The following MSH3 variants were observed in gnomAD, a reference collection of about 807,000 sequenced individuals.
MSH3 encodes DNA mismatch repair protein Msh3.
A neutral mutation model predicts 123.3 loss-of-function variants in MSH3; 106 were observed. That is an observed-to-expected ratio of 0.86 (90% CI 0.73 to 1.01). The LOEUF (loss-of-function observed/expected upper bound fraction) is 1.01. Ranked by LOEUF, MSH3 falls within the 50% of genes least tolerant of loss-of-function variation. The pLI is 0.00. For missense variants in MSH3, 1,459 were observed against 1,347.6 expected, an observed-to-expected ratio of 1.08 and a Z score of -1.29; for synonymous variants, 515 against 481.4, an observed-to-expected ratio of 1.07 and a Z score of -0.91.
At chr5:80,746,422 C>A (rs186658441) in intron 12 of MSH3, 6 of 439,860 alleles carry the variant, frequency 1.4e-5, no homozygotes, top group Non-Finnish European at 2.2e-5. Context: ...GGAAGTCTTG[C>A]GAATCTTCTC....
At chr5:80,816,814 G>C (rs1192172543) in intron 20 of MSH3, among the ~76,000 whole-genome samples, 1 of 152,210 alleles carries the variant, frequency 6.6e-6, no homozygotes, top group Admixed American at 6.5e-5. Context: ...ATGACATTGA[G>C]TTTGTGCATC....
intron 13 of MSH3, among the ~76,000 whole-genome samples, chr5:80,763,405 A>G (rs1744075408): frequency 6.6e-6 from 1 of 152,186 alleles, no homozygotes; most frequent in South Asian, 2.1e-4. Flanking sequence ...TTGCATCATT[A>G]TTGGGTACAC....
chr5:80,665,432 C>A (rs1749548871), intron 3 of MSH3, 69 bp downstream of exon 3: 6 of 1,167,452 alleles, frequency 5.1e-6, no homozygotes, highest in Admixed American at 3.9e-5. Flanking sequence ...GTCAGGTTCT[C>A]TGAGGTCATT....
intron 9 of MSH3, among the ~76,000 whole-genome samples, chr5:80,726,055 T>C (rs1308381274): frequency 6.6e-6 from 1 of 152,236 alleles, no homozygotes; most frequent in Non-Finnish European, 1.5e-5. Flanking sequence ...TTTGAAAGGT[T>C]GGTTGCCAAA....
intron 3 of MSH3, among the ~76,000 whole-genome samples, chr5:80,669,891 A>G (rs1166104818): frequency 6.6e-6 from 1 of 152,218 alleles, no homozygotes; most frequent in African/African-American, 2.4e-5. Flanking sequence ...ATGATAGCTT[A>G]CTTGGTTCAT....
chr5:80,834,059 A>G (rs1361875621), intron 20 of MSH3, among the ~76,000 whole-genome samples: 1 of 152,238 alleles, frequency 6.6e-6, no homozygotes, highest in Non-Finnish European at 1.5e-5. Context: ...ATACTTCCCC[A>G]GTAGCCTTGA....
intron 21 of MSH3, among the ~76,000 whole-genome samples, chr5:80,857,502 T>G (rs1745939072): frequency 6.6e-6 from 1 of 152,256 alleles, no homozygotes; most frequent in Non-Finnish European, 1.5e-5. Context: ...AGTTCACCAG[T>G]GAAGCCATCT....
chr5:80,743,253 C>G (rs1743649667), intron 11 of MSH3, among the ~76,000 whole-genome samples: 1 of 152,128 alleles, frequency 6.6e-6, no homozygotes, highest in African/African-American at 2.4e-5. Flanking sequence ...GCTGTGGTCT[C>G]AGGAGCAGTG....
chr5:80,867,388 G>C (rs1249494162), intron 22 of MSH3, among the ~76,000 whole-genome samples: 1 of 152,164 alleles, frequency 6.6e-6, no homozygotes, highest in Non-Finnish European at 1.5e-5. Flanking sequence ...TAGAACAAGG[G>C]AACTTTTTCT....
At chr5:80,764,268 T>C (rs1744087586) in intron 13 of MSH3, among the ~76,000 whole-genome samples, 1 of 152,252 alleles carries the variant, frequency 6.6e-6, no homozygotes, top group Non-Finnish European at 1.5e-5. Flanking sequence ...GCATAGGCTG[T>C]ATGGTTTTGT....
chr5:80,724,308 A>G (rs1477383803), intron 8 of MSH3, among the ~76,000 whole-genome samples: 1 of 152,214 alleles, frequency 6.6e-6, no homozygotes, highest in Non-Finnish European at 1.5e-5. Context: ...GGGACTTTCA[A>G]GAATTATTAA....
intron 8 of MSH3, among the ~76,000 whole-genome samples, chr5:80,692,774 ATATGTTTGATAAATATACATACACATG>A: frequency 3.1e-5 from 3 of 98,220 alleles, no homozygotes; most frequent in Non-Finnish European, 7.4e-5. Flanking sequence ...ATACACATGT[ATATGTTTGATAAATATACATACACATG>A]TATATGTTTA....
chr5:80,658,066 G>A (rs1243985257), intron 2 of MSH3, among the ~76,000 whole-genome samples: 1 of 102,540 alleles, frequency 9.8e-6, no homozygotes, highest in Admixed American at 1.2e-4. Flanking sequence ...AGGGTCTCTC[G>A]CTCTGTCACC....
At position 80,761,671 on chromosome 5, in the gene MSH3, A is replaced by C. The variant is rs777767431; in HGVS notation, c.1889A>C (p.His630Pro). 1 of 1,614,126 alleles carries C rather than the reference A, an allele frequency of 6.2e-7. No homozygotes were observed. Among genetic ancestry groups the C allele is most frequent in the Non-Finnish European group, 8.5e-7 (1 of 1,180,002 alleles). The change falls in exon 13 of 24, where the codon CAC (histidine) becomes CCC (proline). Residue 630 changes from histidine to proline, a missense_variant. Physicochemically the swap from His to Pro is moderately conservative, Grantham distance 77. Transcript: ENST00000265081. ...GAGAGGGGACTCTGTAGCATTTATC[A>C]CAAAAAAGTAAGTGTGATAGAAATC... is the stretch of plus-strand genomic sequence containing the variant. ...DIERGLCSIYHKKCSTQEFFL... is the reference protein window; with the variant it reads ...DIERGLCSIYPKKCSTQEFFL...
intron 10 of MSH3, among the ~76,000 whole-genome samples, chr5:80,730,377 G>A (rs1001328208): frequency 1.3e-5 from 2 of 152,178 alleles, no homozygotes; most frequent in African/African-American, 4.8e-5. Flanking sequence ...ACATGCAGGG[G>A]AGTGATAGAA....
Position 80,665,285 on chromosome 5 carries a change from T to G in MSH3, c.501T>G (p.Thr167=). Reference sequence around the variant, plus strand: ...GATTTGCAGTTCTGCCAAAATGTACTGATTTTGATGATATCAGTCTTCTAC... The same window carrying G: ...GATTTGCAGTTCTGCCAAAATGTACGGATTTTGATGATATCAGTCTTCTAC... ...QERFAVLPKC[T]DFDDISLLHA... The change falls in exon 3 of 24, where the codon ACT becomes ACG. Residue 167 remains threonine, a synonymous_variant. Coordinates refer to ENST00000265081, the MANE Select transcript of MSH3 (RefSeq NM_002439.5). 1 of 1,613,934 alleles carries G rather than the reference T, an allele frequency of 6.2e-7. No individual in the cohort carries two copies.
chr5:80,860,655 T>C (rs541627105), intron 21 of MSH3, among the ~76,000 whole-genome samples: 2 of 152,190 alleles, frequency 1.3e-5, no homozygotes, highest in Admixed American at 6.5e-5. Context: ...TTTGGGGACA[T>C]TTATCCCGTT....
chr5:80,739,785 T>G (rs748326539), intron 10 of MSH3, among the ~76,000 whole-genome samples: 1 of 152,232 alleles, frequency 6.6e-6, no homozygotes, highest in Admixed American at 6.5e-5. Context: ...GGTAAAGTAT[T>G]TCTCTTTTCC....
chr5:80,748,182 A>G (rs535710844), intron 12 of MSH3, among the ~76,000 whole-genome samples: 2 of 152,314 alleles, frequency 1.3e-5, no homozygotes, highest in African/African-American at 2.4e-5. Context: ...TCAGTCATCC[A>G]TGAATTCTCC....
Sources: allele counts gnomAD v4.1 joint callset (sites outside exome capture counted in the v4.1 genomes callset), GRCh38; gene constraint gnomAD v4.1.1; transcripts MANE v1.5; gene names NCBI Gene and HGNC (gene_info 2026-07-23, HGNC 2026-07-21).